Variants in CDH18 observed in about 807,000 individuals in gnomAD.
The protein encoded by CDH18 is cadherin-18.
A neutral mutation model predicts 67.9 loss-of-function variants in CDH18; 31 were observed. That is an observed-to-expected ratio of 0.46 (90% CI 0.34 to 0.62). The LOEUF (loss-of-function observed/expected upper bound fraction) is 0.62. Ranked by LOEUF, CDH18 falls within the 20% of genes least tolerant of loss-of-function variation. The pLI, the probability that CDH18 is intolerant of heterozygous loss-of-function variation, is 0.01. For missense variants in CDH18, 890 were observed against 975.5 expected (o/e 0.91, Z 1.17); for synonymous variants, 362 against 347.2 (o/e 1.04, Z -0.48).
chr5:19,738,836 C>T (rs751677570), intron 4 of CDH18, among the ~76,000 whole-genome samples: 23 of 152,156 alleles, frequency 1.5e-4, no homozygotes, highest in Admixed American at 6.5e-4. Context: ...AACCCCATGA[C>T]ACATGTTTAC....
At chr5:20,197,104 C>T (rs1410374644) in intron 2 of CDH18, among the ~76,000 whole-genome samples, 4 of 152,126 alleles carry the variant, frequency 2.6e-5, no homozygotes, top group Non-Finnish European at 5.9e-5. Flanking sequence ...CTCCGTCTCC[C>T]AGGTTCAAGC....
intron 2 of CDH18, among the ~76,000 whole-genome samples, chr5:20,013,721 A>C (rs1561713811): frequency 6.6e-6 from 1 of 152,142 alleles, no homozygotes; most frequent in East Asian, 1.9e-4. Flanking sequence ...GTTCAAATTT[A>C]TACCTACAAA....
At chr5:20,132,496 T>C (rs1749348701) in intron 2 of CDH18, among the ~76,000 whole-genome samples, 1 of 152,168 alleles carries the variant, frequency 6.6e-6, no homozygotes, top group Non-Finnish European at 1.5e-5. Context: ...GTTGTTGTTT[T>C]TGTTTTTGTT....
intron 2 of CDH18, among the ~76,000 whole-genome samples, chr5:20,120,559 G>A (rs1352210724): frequency 6.6e-6 from 1 of 152,004 alleles, no homozygotes; most frequent in African/African-American, 2.4e-5. Context: ...ATAGAGAAAG[G>A]GAGTCTGTAT....
At chr5:19,732,639 G>A (rs1767767686) in intron 4 of CDH18, among the ~76,000 whole-genome samples, 1 of 152,092 alleles carries the variant, frequency 6.6e-6, no homozygotes, top group South Asian at 2.1e-4. Context: ...GAACACCCAT[G>A]GGAATATCTA....
intron 11 of CDH18, among the ~76,000 whole-genome samples, chr5:19,489,056 T>TAATCTTAAAATCTTAAATCTTA (rs1459392153): frequency 3.5e-4 from 54 of 152,246 alleles, no homozygotes; most frequent in African/African-American, 1.2e-3. Context: ...TCCTACTTGA[T>TAATCTTAAAATCTTAAATCTTA]AATCTTAAAA....
At chr5:19,902,640 G>C (rs931236437) in intron 2 of CDH18, among the ~76,000 whole-genome samples, 1 of 152,204 alleles carries the variant, frequency 6.6e-6, no homozygotes, top group African/African-American at 2.4e-5. Flanking sequence ...CAGCCAAGCT[G>C]TTCCCAGATT....
At chr5:19,653,634 A>C (rs1405708094) in intron 5 of CDH18, among the ~76,000 whole-genome samples, 2 of 152,170 alleles carry the variant, frequency 1.3e-5, no homozygotes, top group Admixed American at 1.3e-4. Context: ...TTAAACTTCC[A>C]GGCAGTCCCC....
chr5:19,938,732 C>T (rs919014919), intron 2 of CDH18, among the ~76,000 whole-genome samples: 1 of 151,128 alleles, frequency 6.6e-6, no homozygotes, highest in African/African-American at 2.4e-5. Context: ...ACATGCTTGC[C>T]TATTATATGC....
intron 2 of CDH18, among the ~76,000 whole-genome samples, chr5:20,182,800 G>A (rs903299106): frequency 6.6e-6 from 1 of 151,220 alleles, no homozygotes; most frequent in African/African-American, 2.4e-5. Flanking sequence ...TTGGACTCTA[G>A]ATTCTATAGC....
At chr5:20,238,573 T>C (rs1742649608) in intron 2 of CDH18, among the ~76,000 whole-genome samples, 2 of 152,260 alleles carry the variant, frequency 1.3e-5, no homozygotes, top group Non-Finnish European at 2.9e-5. Context: ...GACAAAATTG[T>C]ACAGAAACTT....
At chr5:20,148,271 T>TTATTTTTAA (rs1170933214) in intron 2 of CDH18, among the ~76,000 whole-genome samples, 1 of 151,898 alleles carries the variant, frequency 6.6e-6, no homozygotes, top group Non-Finnish European at 1.5e-5. Flanking sequence ...ATTTTTATTT[T>TTATTTTTAA]TATTTTTAAT....
At chr5:19,852,275 A>G (rs576695501) in intron 2 of CDH18, among the ~76,000 whole-genome samples, 8 of 152,144 alleles carry the variant, frequency 5.3e-5, no homozygotes, top group Admixed American at 3.9e-4. Flanking sequence ...TTGAGTTCTC[A>G]TGCTGGAAAA....
chr5:19,704,712 G>C (rs1451191755), intron 5 of CDH18, among the ~76,000 whole-genome samples: 3 of 152,150 alleles, frequency 2.0e-5, no homozygotes, highest in Non-Finnish European at 4.4e-5. Context: ...GAAACTGGAG[G>C]CTTTAGAGGA....
chr5:20,134,843 G>A (rs1749566519), intron 2 of CDH18, among the ~76,000 whole-genome samples: 3 of 152,100 alleles, frequency 2.0e-5, no homozygotes, highest in African/African-American at 7.2e-5. Context: ...ATTAGAGTCA[G>A]ATTGGTTTGG....
At chr5:19,849,461 G>T (rs1783391609) in intron 2 of CDH18, among the ~76,000 whole-genome samples, 1 of 151,516 alleles carries the variant, frequency 6.6e-6, no homozygotes, top group South Asian at 2.1e-4. Flanking sequence ...AAGGAGGAAA[G>T]AATTGAACCA....
intron 2 of CDH18, among the ~76,000 whole-genome samples, chr5:20,063,367 C>A (rs556419370): frequency 1.3e-5 from 2 of 151,922 alleles, no homozygotes; most frequent in Non-Finnish European, 2.9e-5. Context: ...ATCTTATAAA[C>A]TCTGCATTTC....
intron 2 of CDH18, among the ~76,000 whole-genome samples, chr5:20,101,166 T>C (rs944881782): frequency 1.3e-5 from 2 of 152,094 alleles, no homozygotes; most frequent in Admixed American, 1.3e-4. Context: ...CTCACTATAT[T>C]GCCCAGGTTA....
intron 1 of CDH18, among the ~76,000 whole-genome samples, chr5:20,317,302 A>G (rs1175677949): frequency 1.3e-5 from 2 of 152,094 alleles, no homozygotes; most frequent in East Asian, 1.9e-4. Context: ...ATGCAATTTC[A>G]TATTCTTTGA....
Sources: gnomAD v4.1 joint callset for allele counts (sites outside exome capture counted in the v4.1 genomes callset) on GRCh38, gnomAD v4.1.1 for gene constraint, MANE v1.5 for transcripts, NCBI Gene and HGNC (gene_info 2026-07-23, HGNC 2026-07-21) for gene names.